The following PCDHGA2 variants were observed in gnomAD, a reference collection of about 807,000 sequenced individuals.
The protein encoded by PCDHGA2 is protocadherin gamma-A2.
In PCDHGA2, 40 loss-of-function variants were observed where a neutral mutation model predicts 59.2. That is an observed-to-expected ratio of 0.68 (90% CI 0.52 to 0.88). PCDHGA2 has a LOEUF of 0.88. PCDHGA2 is among the 40% of genes least tolerant of loss of function. The pLI, the probability that PCDHGA2 is intolerant of heterozygous loss-of-function variation, is 0.00. For synonymous variants in PCDHGA2, 560 were observed against 526.0 expected (o/e 1.06, Z -0.89); for missense variants, 1,226 against 1,204.0 (o/e 1.02, Z -0.27).
At chr5:141,465,742 A>G (rs1425097489) in intron 1 of PCDHGA2, among the ~76,000 whole-genome samples, 1 of 151,214 alleles carries the variant, frequency 6.6e-6, no homozygotes, top group Non-Finnish European at 1.5e-5. Flanking sequence ...TGTTTTCAGG[A>G]TCAGACTGGT....
At chr5:141,370,806 A>C in intron 1 of PCDHGA2, 1 of 1,614,054 alleles carries the variant, frequency 6.2e-7, no homozygotes, top group Non-Finnish European at 8.5e-7. Context: ...CCAAAATATC[A>C]CTGAGCTGGA....
chr5:141,356,987 G>GAGGTC (rs1760419659), intron 1 of PCDHGA2: 1 of 1,614,186 alleles, frequency 6.2e-7, no homozygotes, highest in Non-Finnish European at 8.5e-7. Context: ...GCAGTGGACA[G>GAGGTC]AGACTCAGGT....
chr5:141,404,116 G>A (rs751598967), intron 1 of PCDHGA2: 1 of 1,613,478 alleles, frequency 6.2e-7, no homozygotes, highest in East Asian at 2.2e-5. Flanking sequence ...CTATCCAGGA[G>A]AATCTATCTT....
In PCDHGA2 at chr5:141,341,114, A is replaced by G. The variant is rs1375770566; in HGVS notation, c.2143A>G (p.Arg715Gly). ...CTTCGTCATCGTGTTGCTGGCGCAC[A>G]GGCTGCGGCGCTGGCACAAGTCACG... is the stretch of plus-strand genomic sequence containing the variant. ...LAFVIVLLAHRLRRWHKSRLL... is the reference protein window; with the variant it reads ...LAFVIVLLAHGLRRWHKSRLL... The change falls in exon 1 of 4, where the codon AGG becomes GGG. Residue 715 changes from arginine to glycine, a missense_variant. Transcript: ENST00000394576. The G allele has an allele frequency of 6.2e-7, 1 of 1,614,214 alleles. No homozygotes were observed. The highest frequency in any genetic ancestry group is 2.2e-5 in the East Asian group (1 of 44,884).
rs1758384233 is a variant in PCDHGA2, at chr5:141,349,985, G to T, written c.2424+8590G>T. The T allele has an allele frequency of 1.6e-5, 5 of 308,912 alleles. No individual in the cohort carries two copies. The South Asian group carries it at 7.3e-4, about 45-fold the overall frequency. 19.1% of individuals were successfully genotyped at this position (308,912 alleles called of 1,614,324 possible). A position where few individuals can be genotyped will look rare whatever the true frequency, so the allele number is the denominator to read the frequency against. On this transcript the variant is annotated intron_variant, in intron 1 of 3. Transcript: ENST00000394576. Reference sequence around the variant, plus strand: ...AGGGTACATAGATTCAAGAGGTTGCGCTTTGAGGATAAAAAGCTGGGCCCT... The same window carrying T: ...AGGGTACATAGATTCAAGAGGTTGCTCTTTGAGGATAAAAAGCTGGGCCCT...
At chr5:141,346,327 A>G in intron 1 of PCDHGA2, 2 of 1,614,262 alleles carry the variant, frequency 1.2e-6, no homozygotes, top group Non-Finnish European at 8.5e-7. Context: ...GACTCGCGGA[A>G]GAGCCACCTG....
chr5:141,384,533 A>C, intron 1 of PCDHGA2: 2 of 1,614,240 alleles, frequency 1.2e-6, no homozygotes. Flanking sequence ...CTCAGCAGCA[A>C]CATGTCACTG....
chr5:141,423,138 C>A (rs767107885), intron 1 of PCDHGA2: 3 of 1,613,606 alleles, frequency 1.9e-6, no homozygotes, highest in Non-Finnish European at 2.5e-6. Context: ...TGGACAGAGA[C>A]GCGCTCAAGC....
Position 141,338,843 on chromosome 5 carries a change from A to T in PCDHGA2, c.-129A>T. 1 of 1,398,996 alleles carries T rather than the reference A, an allele frequency of 7.1e-7. No individual in the cohort carries two copies. The highest frequency in any genetic ancestry group is 2.6e-5 in the East Asian group (1 of 38,478). The allele number at this position is 1,398,996 out of a possible 1,614,324, so 86.7% of individuals were successfully genotyped here. On this transcript the variant is annotated 5_prime_UTR_variant, in exon 1 of 4. Transcript: ENST00000394576. ...GGACACCAAAGAAATTCAGTCGAAC[A>T]GCCCACCAGTTCTCTCCATAGGGAC...
At chr5:141,425,745 G>A (rs776065455) in intron 1 of PCDHGA2, among the ~76,000 whole-genome samples, 26 of 152,100 alleles carry the variant, frequency 1.7e-4, no homozygotes, top group Non-Finnish European at 2.9e-4. Flanking sequence ...TTCCCACAAG[G>A]TTTTTGTTCT....
intron 1 of PCDHGA2, chr5:141,360,571 A>T: frequency 1.2e-6 from 2 of 1,613,992 alleles, no homozygotes; most frequent in Non-Finnish European, 1.7e-6. Flanking sequence ...TGGCGAATCC[A>T]CTAAGCCAGG....
chr5:141,370,734 T>G (rs1056339551), intron 1 of PCDHGA2: 2 of 1,613,896 alleles, frequency 1.2e-6, no homozygotes, highest in Non-Finnish European at 1.7e-6. Context: ...TGAAAAGCCT[T>G]TAAACTTTTT....
At chr5:141,356,484 A>C (rs767625709) in intron 1 of PCDHGA2, 17 of 1,613,862 alleles carry the variant, frequency 1.1e-5, no homozygotes, top group Non-Finnish European at 1.4e-5. Flanking sequence ...CTGACCAGGG[A>C]ACTCCTCCAC....
At chr5:141,352,810 T>TA in intron 1 of PCDHGA2, 1 of 840,270 alleles carries the variant, frequency 1.2e-6, no homozygotes, top group Non-Finnish European at 1.8e-6. Flanking sequence ...GCCAAGATGG[T>TA]AAAACCCGGT....
At position 141,486,714 on chromosome 5, in the gene PCDHGA2, CAG is replaced by C; in HGVS notation, c.2425-8092_2425-8091del. ...TCTTTCATCTCTCTGAACCCCCAGA[CAG>C]GAGCTGTTCATGCTACTCGATCCTT... On this transcript the variant is annotated intron_variant, in intron 1 of 3. Coordinates refer to ENST00000394576, the MANE Select transcript of PCDHGA2 (RefSeq NM_018915.4). This position sits in a 1 kb window ranked among gnomAD's most constrained non-coding sequence, Gnocchi z 5.0. 1 of 1,614,216 alleles carries C rather than the reference CAG, an allele frequency of 6.2e-7. No homozygotes were observed. Among genetic ancestry groups the C allele is most frequent in the Non-Finnish European group, 8.5e-7 (1 of 1,180,034 alleles).
intron 1 of PCDHGA2, among the ~76,000 whole-genome samples, chr5:141,472,712 G>A (rs1303609397): frequency 1.3e-5 from 2 of 151,972 alleles, no homozygotes; most frequent in Admixed American, 6.6e-5. Flanking sequence ...CAGGCCAGGC[G>A]CTGTGGCTCA....
At chr5:141,342,809 G>A (rs1757213288) in intron 1 of PCDHGA2, 1 of 152,118 alleles carries the variant, frequency 6.6e-6, no homozygotes, top group Admixed American at 6.6e-5. Flanking sequence ...GAAACTTATG[G>A]GGAAAGAGAT....
intron 1 of PCDHGA2, chr5:141,419,383 C>A (rs1354675466): frequency 6.2e-7 from 1 of 1,613,698 alleles, no homozygotes; most frequent in South Asian, 1.1e-5. Context: ...TGTCCGTGAG[C>A]GCGCAGAGCG....
rs2099416627 is a variant in PCDHGA2 at position 141,477,726 on chromosome 5, C to T, written c.2425-17081C>T. 6.2e-7 allele frequency: 1 copy of T among 1,613,822 alleles called. No homozygotes were observed. The highest frequency in any genetic ancestry group is 8.5e-7 in the Non-Finnish European group (1 of 1,180,020). ...GATCGGCGGGAATTTGAATTAACAG[C>T]TCATATCAGCGATGGGGGCACCCCG... On this transcript the variant is annotated intron_variant, in intron 1 of 3. Coordinates refer to ENST00000394576, the MANE Select transcript of PCDHGA2 (RefSeq NM_018915.4). This position sits in a 1 kb window ranked among gnomAD's most constrained non-coding sequence, Gnocchi z 4.9.
Sources: allele counts gnomAD v4.1 joint callset (sites outside exome capture counted in the v4.1 genomes callset), GRCh38; gene constraint gnomAD v4.1.1; non-coding constraint Gnocchi (gnomAD v3.1); transcripts MANE v1.5; gene names NCBI Gene and HGNC (gene_info 2026-07-23, HGNC 2026-07-21).